SYNGR1: variants seen among roughly 807,000 people sequenced by gnomAD.
SYNGR1 encodes the protein synaptogyrin 1.
SYNGR1 carries 14 observed loss-of-function variants against 26.1 expected under a neutral mutation model. The observed-to-expected ratio is 0.54, with a 90% CI of 0.35 to 0.84. The LOEUF is 0.84. SYNGR1 is among the 40% of genes least tolerant of loss of function. SYNGR1 has a pLI of 0.01. For missense variants in SYNGR1, 319 were observed against 332.9 expected, an observed-to-expected ratio of 0.96 and a Z score of 0.33; for synonymous variants, 141 against 150.1, an observed-to-expected ratio of 0.94 and a Z score of 0.44.
intron 1 of SYNGR1, among the ~76,000 whole-genome samples, chr22:39,362,533 G>A (rs1447495516): frequency 6.6e-6 from 1 of 152,100 alleles, no homozygotes; most frequent in Non-Finnish European, 1.5e-5. Context: ...TGCGGCTTCA[G>A]CCATTTTCCT....
chr22:39,356,306 C>T (rs1422964196), intron 1 of SYNGR1, among the ~76,000 whole-genome samples: 10 of 152,266 alleles, frequency 6.6e-5, no homozygotes, highest in African/African-American at 1.2e-4. Context: ...CCGCCTGCCC[C>T]GGCCTCCCAA....
chr22:39,377,380 G>T (rs966167245), intron 3 of SYNGR1: 1 of 985,314 alleles, frequency 1.0e-6, no homozygotes, highest in Non-Finnish European at 1.2e-6. Context: ...GTGACCCCAG[G>T]GGATCTCAGT....
intron 1 of SYNGR1, among the ~76,000 whole-genome samples, chr22:39,367,349 G>C (rs556991554): frequency 6.6e-6 from 1 of 152,348 alleles, no homozygotes; most frequent in East Asian, 1.9e-4. Flanking sequence ...AGCAAAGTAG[G>C]TTGTAGCTCA....
intron 2 of SYNGR1, chr22:39,374,842 C>A: frequency 2.0e-6 from 1 of 496,118 alleles, no homozygotes; most frequent in Non-Finnish European, 3.7e-6. Flanking sequence ...TGCCAGCCCC[C>A]ATGGGTTGGC....
At chr22:39,378,090 G>A (rs1925367354) in intron 3 of SYNGR1, 2 of 1,180,576 alleles carry the variant, frequency 1.7e-6, no homozygotes, top group African/African-American at 1.6e-5. Flanking sequence ...CCATTGCTGA[G>A]CTGTGGGTGC....
chr22:39,374,639 A>G, intron 2 of SYNGR1, 86 bp downstream of exon 2: 1 of 1,378,296 alleles, frequency 7.3e-7, no homozygotes. Context: ...CCTTCTTCCC[A>G]TGTTTCAGAT....
intron 1 of SYNGR1, among the ~76,000 whole-genome samples, chr22:39,363,547 A>C (rs1924587879): frequency 6.6e-6 from 1 of 151,884 alleles, no homozygotes; most frequent in Non-Finnish European, 1.5e-5. Flanking sequence ...GAGAGAGATC[A>C]CTGGGGAGGC....
At chr22:39,373,864 T>A (rs182291550) in intron 1 of SYNGR1, among the ~76,000 whole-genome samples, 14 of 152,284 alleles carry the variant, frequency 9.2e-5, no homozygotes, top group Admixed American at 9.2e-4. Flanking sequence ...CCCACAGCTC[T>A]GCAGAGGGAA....
At chr22:39,368,088 G>C (rs922984080) in intron 1 of SYNGR1, among the ~76,000 whole-genome samples, 43 of 152,150 alleles carry the variant, frequency 2.8e-4, no homozygotes, top group Non-Finnish European at 5.7e-4. Flanking sequence ...GGCCATCACT[G>C]CTCCCTCCTG....
rs770287875 is a variant in SYNGR1, at chr22:39,381,591, G to A, written c.484-105G>A. On this transcript the variant is annotated intron_variant, in intron 3 of 3. Transcript: ENST00000328933. ...CTTTGAGGATCTTTAACCCTCTCCT[G>A]CCTGTGTCCTGTGAACTAACCACCA... The A allele has an allele frequency of 6.0e-4, 694 of 1,162,892 alleles. 1 individual carries two copies. The highest frequency in any genetic ancestry group is 8.4e-4 in the Non-Finnish European group (660 of 789,160). 72.0% of individuals were successfully genotyped at this position (1,162,892 alleles called of 1,614,324 possible). A position where few individuals can be genotyped will look rare whatever the true frequency, so the allele number is the denominator to read the frequency against.
chr22:39,384,911 G>C lies in SYNGR1; in HGVS notation c.*2997G>C, dbSNP rs189828435. 6 of 398,908 alleles carry C rather than the reference G, an allele frequency of 1.5e-5. No individual in the cohort carries two copies. The East Asian group carries it at 1.8e-4, about 12-fold the overall frequency. The allele number at this position is 398,908 out of a possible 1,614,324, so 24.7% of individuals were successfully genotyped here. On this transcript the variant is annotated 3_prime_UTR_variant, in exon 4 of 4. Transcript: ENST00000328933. ...AGGAGTCAGGTCTTCTGCCTTCTGA[G>C]TTGGCTCATCCTGGGCAGTCACAGA...
intron 1 of SYNGR1, among the ~76,000 whole-genome samples, chr22:39,366,750 G>C (rs1326663821): frequency 6.6e-6 from 1 of 152,156 alleles, no homozygotes; most frequent in African/African-American, 2.4e-5. Flanking sequence ...GCTCCTGTCT[G>C]GGCTGCTTGC....
At position 39,368,136 on chromosome 22, in the gene SYNGR1, T is replaced by C. The variant is rs544608571; in HGVS notation, c.100-6180T>C. On this transcript the variant is annotated intron_variant, in intron 1 of 3. Transcript: ENST00000328933. ...GACCGCCATTGCCTTTGTGATCTGT[T>C]CCATGAGTTTAGTGGCAGTCTAGCC... Among the ~76,000 whole-genome samples, 705 of 152,356 alleles carry C rather than the reference T, an allele frequency of 4.6e-3. 3 individuals carry two copies. The highest frequency in any genetic ancestry group is 0.016 in the African/African-American group (681 of 41,596).
chr22:39,364,792 T>C (rs949576795), intron 1 of SYNGR1, among the ~76,000 whole-genome samples: 8 of 152,154 alleles, frequency 5.3e-5, no homozygotes, highest in African/African-American at 1.9e-4. Flanking sequence ...TTGGTGCTTC[T>C]GGGGTCTCTG....
intron 1 of SYNGR1, among the ~76,000 whole-genome samples, chr22:39,371,463 C>T (rs1296534273): frequency 1.5e-5 from 2 of 132,866 alleles, no homozygotes; most frequent in African/African-American, 2.8e-5. Context: ...GCAACAAGAG[C>T]GAAAGTCCAT....
At chr22:39,358,783 C>G (rs1044515186) in intron 1 of SYNGR1, among the ~76,000 whole-genome samples, 1 of 152,046 alleles carries the variant, frequency 6.6e-6, no homozygotes, top group Non-Finnish European at 1.5e-5. Context: ...CCCACCAATT[C>G]CGGACACAAG....
At chr22:39,378,511 T>G in intron 3 of SYNGR1, 10 of 977,110 alleles carry the variant, frequency 1.0e-5, no homozygotes, top group Non-Finnish European at 1.1e-5. Flanking sequence ...TACACAGGTT[T>G]CCTGCTTGAG....
At chr22:39,351,394 G>A (rs1225608701) in intron 1 of SYNGR1, among the ~76,000 whole-genome samples, 1 of 152,240 alleles carries the variant, frequency 6.6e-6, no homozygotes, top group Non-Finnish European at 1.5e-5. Flanking sequence ...TCAGATGGGA[G>A]CTGTTTGAGG....
rs370242194 is a variant in SYNGR1, at chr22:39,376,138, G to A, written c.424G>A (p.Glu142Lys). Reference protein sequence around the residue: ...VSKPKDNPLNEGTDAARAAIA... With the variant: ...VSKPKDNPLNKGTDAARAAIA... ...CAAGCCCAAGGACAACCCACTGAACGAAGGGACGGACGCAGCCCGGGCCGC... is the reference window on the plus strand; with the variant it reads ...CAAGCCCAAGGACAACCCACTGAACAAAGGGACGGACGCAGCCCGGGCCGC... The change falls in exon 3 of 4, where the codon GAA becomes AAA. Residue 142 changes from glutamate to lysine, a missense_variant. By Grantham distance (56) the Glu-to-Lys change is moderately conservative. Coordinates refer to ENST00000328933, the MANE Select transcript of SYNGR1 (RefSeq NM_004711.5). 3.0e-5 allele frequency: 49 copies of A among 1,614,082 alleles called. No homozygotes were observed. The highest frequency in any genetic ancestry group is 3.8e-5 in the Non-Finnish European group (45 of 1,180,050).
Sources: allele counts gnomAD v4.1 joint callset (sites outside exome capture counted in the v4.1 genomes callset), GRCh38; gene constraint gnomAD v4.1.1; transcripts MANE v1.5; gene names NCBI Gene and HGNC (gene_info 2026-07-23, HGNC 2026-07-21).